CELF4: variants seen among roughly 807,000 people sequenced by gnomAD.
CELF4 encodes CUG-BP- and ETR-3-like factor 4.
Under a neutral mutation model 59.9 loss-of-function variants are expected in CELF4, and 18 were observed. The observed-to-expected ratio is 0.30, with a 90% CI of 0.21 to 0.45. The LOEUF (loss-of-function observed/expected upper bound fraction) is 0.45, where lower values mean the gene tolerates loss of function less well. Ranked by LOEUF, CELF4 falls within the 20% of genes least tolerant of loss-of-function variation. CELF4 has a pLI of 1.00. For missense variants in CELF4, 456 were observed against 689.0 expected (o/e 0.66, Z 3.79); for synonymous variants, 261 against 267.1 (o/e 0.98, Z 0.22).
At chr18:37,401,789 C>T (rs2099328953) in intron 2 of CELF4, among the ~76,000 whole-genome samples, 1 of 152,238 alleles carries the variant, frequency 6.6e-6, no homozygotes, top group Admixed American at 6.5e-5. Context: ...CCAAAGCATA[C>T]TTACACAGGG....
chr18:37,329,178 G>A (rs2097441911), intron 2 of CELF4, among the ~76,000 whole-genome samples: 1 of 152,212 alleles, frequency 6.6e-6, no homozygotes, highest in South Asian at 2.1e-4. Flanking sequence ...CCTGGAGGGT[G>A]CCTTCAGCTG....
chr18:37,506,206 G>A (rs188822650), intron 1 of CELF4, among the ~76,000 whole-genome samples: 4 of 152,244 alleles, frequency 2.6e-5, no homozygotes, highest in South Asian at 4.2e-4. Flanking sequence ...CATCCCTTGC[G>A]TCCCATTACC....
At chr18:37,301,220 G>C (rs2096009856) in intron 3 of CELF4, among the ~76,000 whole-genome samples, 1 of 152,206 alleles carries the variant, frequency 6.6e-6, no homozygotes. Flanking sequence ...GTGAGGGCTG[G>C]AGAGGATGTC....
chr18:37,377,205 T>C (rs1051139021), intron 2 of CELF4, among the ~76,000 whole-genome samples: 2 of 151,858 alleles, frequency 1.3e-5, no homozygotes, highest in African/African-American at 4.8e-5. Flanking sequence ...AAGGCAGTGG[T>C]TGGGCTGGTG....
chr18:37,304,780 G>A (rs1004450844), intron 3 of CELF4, among the ~76,000 whole-genome samples: 1 of 152,214 alleles, frequency 6.6e-6, no homozygotes, highest in Non-Finnish European at 1.5e-5. Context: ...GGAAGTAGAA[G>A]CGGAGCACCC....
intron 2 of CELF4, among the ~76,000 whole-genome samples, chr18:37,430,319 A>C (rs1037491545): frequency 3.3e-5 from 5 of 152,344 alleles, no homozygotes; most frequent in Admixed American, 3.3e-4. Flanking sequence ...CTCAACACGA[A>C]GACTGATTAA....
At chr18:37,341,792 G>C (rs1361880842) in intron 2 of CELF4, among the ~76,000 whole-genome samples, 1 of 152,124 alleles carries the variant, frequency 6.6e-6, no homozygotes, top group Middle Eastern at 3.2e-3. Flanking sequence ...GAGCTAGGAT[G>C]GTGAAGGTTT....
intron 2 of CELF4, among the ~76,000 whole-genome samples, chr18:37,475,781 T>C (rs1208828124): frequency 1.3e-5 from 2 of 152,174 alleles, no homozygotes; most frequent in Non-Finnish European, 2.9e-5. Context: ...AGACACATTT[T>C]CCCTGTTCTC....
At chr18:37,511,633 C>T (rs2099944454) in intron 1 of CELF4, among the ~76,000 whole-genome samples, 1 of 151,846 alleles carries the variant, frequency 6.6e-6, no homozygotes, top group Non-Finnish European at 1.5e-5. Context: ...GGAGCATGGG[C>T]TTCTTCATCT....
At chr18:37,516,652 T>C (rs1239621729) in intron 1 of CELF4, among the ~76,000 whole-genome samples, 1 of 152,246 alleles carries the variant, frequency 6.6e-6, no homozygotes, top group African/African-American at 2.4e-5. Context: ...GTGGAGACCA[T>C]GAATGACTTA....
chr18:37,519,609 A>C (rs1246484873), intron 1 of CELF4, among the ~76,000 whole-genome samples: 1 of 152,218 alleles, frequency 6.6e-6, no homozygotes, highest in African/African-American at 2.4e-5. Context: ...TATGTAAATA[A>C]GATGCCGAGA....
intron 2 of CELF4, among the ~76,000 whole-genome samples, chr18:37,469,670 A>G (rs1439969305): frequency 6.6e-6 from 1 of 152,224 alleles, no homozygotes; most frequent in Non-Finnish European, 1.5e-5. Context: ...ATCGTTTAAT[A>G]AGAATAGAAG....
At chr18:37,319,146 G>T (rs1253311161) in intron 3 of CELF4, among the ~76,000 whole-genome samples, 2 of 152,216 alleles carry the variant, frequency 1.3e-5, no homozygotes, top group Non-Finnish European at 1.5e-5. Flanking sequence ...TGAACTGGGG[G>T]CTGCAGGTGA....
At chr18:37,505,775 G>A (rs1224510950) in intron 1 of CELF4, among the ~76,000 whole-genome samples, 3 of 152,200 alleles carry the variant, frequency 2.0e-5, no homozygotes, top group East Asian at 1.9e-4. Context: ...CAGGGGGATC[G>A]ATAGTGTGAA....
At chr18:37,291,035 G>T (rs889872534) in intron 3 of CELF4, among the ~76,000 whole-genome samples, 1 of 152,180 alleles carries the variant, frequency 6.6e-6, no homozygotes, top group Non-Finnish European at 1.5e-5. Context: ...TCAGCCTCTT[G>T]AGTAGCTGGG....
intron 2 of CELF4, among the ~76,000 whole-genome samples, chr18:37,413,388 C>T (rs1015223422): frequency 2.0e-5 from 3 of 151,966 alleles, no homozygotes; most frequent in Non-Finnish European, 4.4e-5. Context: ...TGCTCTGGAG[C>T]TCCGTGGTTA....
intron 2 of CELF4, among the ~76,000 whole-genome samples, chr18:37,348,617 C>T (rs896920502): frequency 3.3e-5 from 5 of 152,042 alleles, no homozygotes; most frequent in African/African-American, 4.8e-5. Context: ...TGGGGTGGGA[C>T]GGTGGGGGGA....
intron 1 of CELF4, among the ~76,000 whole-genome samples, chr18:37,532,762 G>T (rs1251024835): frequency 6.6e-6 from 1 of 152,152 alleles, no homozygotes; most frequent in Non-Finnish European, 1.5e-5. Flanking sequence ...CTGCCAAGTG[G>T]GATAATAATT....
intron 1 of CELF4, among the ~76,000 whole-genome samples, chr18:37,501,097 G>A (rs1467367757): frequency 1.3e-5 from 2 of 152,224 alleles, no homozygotes; most frequent in Non-Finnish European, 2.9e-5. Flanking sequence ...ACTGGAGTGA[G>A]AGAAGGTGGG....
Sources: allele counts gnomAD v4.1 joint callset (sites outside exome capture counted in the v4.1 genomes callset), GRCh38; gene constraint gnomAD v4.1.1; transcripts MANE v1.5; gene names NCBI Gene and HGNC (gene_info 2026-07-23, HGNC 2026-07-21).